Variants in CDH11 observed in about 807,000 individuals in gnomAD.
CDH11 encodes the protein cadherin-11.
Under a neutral mutation model 67.8 loss-of-function variants are expected in CDH11, and 11 were observed. The ratio of observed to expected loss-of-function variants is 0.16; its 90% CI spans 0.10 to 0.27. CDH11 has a LOEUF of 0.27. Among genes scored for constraint, CDH11 ranks in the 10% least tolerant of loss-of-function variants. The pLI is 1.00. For synonymous variants in CDH11, 419 were observed against 400.0 expected (o/e 1.05, Z -0.57); for missense variants, 847 against 1,031.2 (o/e 0.82, Z 2.45).
chr16:65,107,422 G>A (rs906066396), intron 1 of CDH11, among the ~76,000 whole-genome samples: 2 of 152,106 alleles, frequency 1.3e-5, no homozygotes, highest in African/African-American at 2.4e-5. Context: ...TTCCACCCTC[G>A]TGCTGGCTTC....
intron 4 of CDH11, among the ~76,000 whole-genome samples, chr16:64,995,523 G>T (rs1007899299): frequency 1.3e-5 from 2 of 152,154 alleles, no homozygotes; most frequent in Admixed American, 6.5e-5. Flanking sequence ...ATAATGCTGG[G>T]ATAGCTGGCT....
intron 1 of CDH11, among the ~76,000 whole-genome samples, chr16:65,070,037 C>A: frequency 6.6e-6 from 1 of 152,156 alleles, no homozygotes; most frequent in East Asian, 1.9e-4. Context: ...TAGCCAATAA[C>A]CCCATCAGCC....
At chr16:65,000,212 C>T (rs972541268) in intron 3 of CDH11, among the ~76,000 whole-genome samples, 2 of 152,084 alleles carry the variant, frequency 1.3e-5, no homozygotes, top group East Asian at 1.9e-4. Flanking sequence ...TCTGTTCTGC[C>T]CTCACTCTGC....
intron 1 of CDH11, among the ~76,000 whole-genome samples, chr16:65,110,913 A>G (rs2075146264): frequency 6.6e-6 from 1 of 152,296 alleles, no homozygotes; most frequent in African/African-American, 2.4e-5. Context: ...GCTAAATGGA[A>G]TGAGTAACAC....
intron 2 of CDH11, among the ~76,000 whole-genome samples, chr16:65,014,715 G>A (rs574841910): frequency 2.1e-5 from 3 of 146,064 alleles, no homozygotes; most frequent in South Asian, 4.3e-4. Context: ...TTGAAACGAC[G>A]CAGATGTAGA....
chr16:65,073,283 A>T (rs1328729445), intron 1 of CDH11, among the ~76,000 whole-genome samples: 1 of 152,142 alleles, frequency 6.6e-6, no homozygotes, highest in Non-Finnish European at 1.5e-5. Context: ...TTAATTAATT[A>T]ATTAGTTTAT....
intron 1 of CDH11, among the ~76,000 whole-genome samples, chr16:65,088,090 C>G (rs1321314175): frequency 6.6e-6 from 1 of 152,092 alleles, no homozygotes; most frequent in African/African-American, 2.4e-5. Flanking sequence ...GTCATGAGGG[C>G]TCCAAGCTCG....
chr16:65,077,483 T>C (rs1038412418), intron 1 of CDH11, among the ~76,000 whole-genome samples: 4 of 152,238 alleles, frequency 2.6e-5, no homozygotes, highest in Non-Finnish European at 5.9e-5. Flanking sequence ...GTGTATTGCC[T>C]AGTCTAACTA....
chr16:65,010,677 G>A (rs182933705), intron 2 of CDH11, among the ~76,000 whole-genome samples: 1 of 152,164 alleles, frequency 6.6e-6, no homozygotes, highest in African/African-American at 2.4e-5. Flanking sequence ...AAAGGTGAGT[G>A]GAAATTTTAA....
chr16:65,111,706 C>G (rs982967192), intron 1 of CDH11, among the ~76,000 whole-genome samples: 93 of 151,414 alleles, frequency 6.1e-4, no homozygotes, highest in Admixed American at 1.4e-3. Context: ...CACACACACA[C>G]ACACACAAAT....
chr16:64,953,293 C>T (rs975417126), intron 11 of CDH11, among the ~76,000 whole-genome samples: 1 of 140,888 alleles, frequency 7.1e-6, no homozygotes, highest in Non-Finnish European at 1.6e-5. Flanking sequence ...TATGTATATA[C>T]ACACACATAT....
chr16:65,088,622 C>T (rs921179567), intron 1 of CDH11, among the ~76,000 whole-genome samples: 63 of 152,216 alleles, frequency 4.1e-4, no homozygotes, highest in African/African-American at 1.4e-3. Flanking sequence ...TCATTTAGCA[C>T]GTTTTCACTT....
chr16:65,122,138 G>T (rs560572154), upstream of CDH11: 11 of 512,970 alleles, frequency 2.1e-5, no homozygotes, highest in South Asian at 1.1e-4. Flanking sequence ...GTGCGGGGCG[G>T]GGGGGGCGGG....
At position 64,944,404 on chromosome 16, in the gene CDH11, C is replaced by T. The variant is rs769288035; in HGVS notation, c.*3199G>A. 3.0e-5 allele frequency: 7 copies of T among 232,430 alleles called. No individual in the cohort carries two copies. Among genetic ancestry groups the T allele is most frequent in the Non-Finnish European group, 5.1e-5 (6 of 117,632 alleles). The allele number at this position is 232,430 out of a possible 1,614,324, so 14.4% of individuals were successfully genotyped here. ...GGCCCTCATTCTATCTCATATTGAC[C>T]TTTGCAAAAGCCCTCCTGGGGCACA... On this transcript the variant is annotated 3_prime_UTR_variant, in exon 13 of 13. Coordinates refer to ENST00000268603, the MANE Select transcript of CDH11 (RefSeq NM_001797.4).
At chr16:65,014,786 A>C (rs1431536842) in intron 2 of CDH11, among the ~76,000 whole-genome samples, 1 of 152,168 alleles carries the variant, frequency 6.6e-6, no homozygotes, top group African/African-American at 2.4e-5. Flanking sequence ...GGAGAGTTTG[A>C]AGACAGTGGT....
At chr16:65,021,577 T>TATATAC (rs2073425320) in intron 2 of CDH11, among the ~76,000 whole-genome samples, 1 of 149,402 alleles carries the variant, frequency 6.7e-6, no homozygotes, top group Non-Finnish European at 1.5e-5. Context: ...CACATATATA[T>TATATAC]ATATATATAT....
intron 1 of CDH11, among the ~76,000 whole-genome samples, chr16:65,101,142 A>G (rs1258357581): frequency 6.6e-6 from 1 of 152,194 alleles, no homozygotes; most frequent in Non-Finnish European, 1.5e-5. Context: ...TAACATTTCC[A>G]TTCCAACCAC....
chr16:64,970,910 T>C lies in CDH11; in HGVS notation c.1642+669A>G, dbSNP rs1477406446. Reference sequence around the variant, plus strand: ...TAAAAAATATATACATATATTCATCTTTCCTGGCTCTGCTACCAACTTTAT... The same window carrying C: ...TAAAAAATATATACATATATTCATCCTTCCTGGCTCTGCTACCAACTTTAT... On this transcript the variant is annotated intron_variant, in intron 11 of 12. Transcript: ENST00000268603. 7.2e-5 allele frequency among the ~76,000 whole-genome samples: 11 copies of C among 152,222 alleles called. No homozygotes were observed. In the East Asian group the frequency reaches 1.5e-3, roughly 21 times the overall value.
At position 65,067,041 on chromosome 16, in the gene CDH11, G is replaced by A. The variant is rs181644500; in HGVS notation, c.-297-13113C>T. Among the ~76,000 whole-genome samples, 805 of 152,284 alleles carry A rather than the reference G, an allele frequency of 5.3e-3. 3 individuals are homozygous for A. Among genetic ancestry groups the A allele is most frequent in the Non-Finnish European group, 8.7e-3 (589 of 68,016 alleles). On this transcript the variant is annotated intron_variant, in intron 1 of 12. Transcript: ENST00000268603. ...CTGTTGCAGGGGCTGTGGTGTGGTGGGGAGAGCTGGAGGGAGGCTTCTGCA... is the reference window on the plus strand; with the variant it reads ...CTGTTGCAGGGGCTGTGGTGTGGTGAGGAGAGCTGGAGGGAGGCTTCTGCA...
Sources: gnomAD v4.1 joint callset for allele counts (sites outside exome capture counted in the v4.1 genomes callset) on GRCh38, gnomAD v4.1.1 for gene constraint, MANE v1.5 for transcripts, NCBI Gene and HGNC (gene_info 2026-07-23, HGNC 2026-07-21) for gene names.